Variants in ZBTB20 observed in about 807,000 individuals in gnomAD.
ZBTB20 encodes zinc finger and BTB domain containing 20, also known as zinc finger and BTB domain-containing protein 20.
Under a neutral mutation model 56.9 loss-of-function variants are expected in ZBTB20, and 9 were observed. The observed-to-expected ratio is 0.16, with a 90% CI of 0.10 to 0.28. ZBTB20 has a LOEUF of 0.28. Among genes scored for constraint, ZBTB20 ranks in the 10% least tolerant of loss-of-function variants. The pLI, the probability that ZBTB20 is intolerant of heterozygous loss-of-function variation, is 1.00. For synonymous variants in ZBTB20, 417 were observed against 420.7 expected, an observed-to-expected ratio of 0.99 and a Z score of 0.11; for missense variants, 655 against 1,003.0, an observed-to-expected ratio of 0.65 and a Z score of 4.69.
In ZBTB20 at chr3:114,909,149, C is replaced by T. The variant is rs191970881; in HGVS notation, c.-455-8807G>A. Among the ~76,000 whole-genome samples, 237 of 152,006 alleles carry T rather than the reference C, an allele frequency of 1.6e-3. 3 individuals are homozygous for T. The highest frequency in any genetic ancestry group is 0.013 in the Admixed American group (196 of 15,240). On this transcript the variant is annotated intron_variant, in intron 3 of 11. Coordinates refer to ENST00000675478, the MANE Select transcript of ZBTB20 (RefSeq NM_001348800.3). ...GATGACAGCTCCATGCATGTTATTA[C>T]GCCAGAAGACCTTCCAGTGGGACAA...
intron 7 of ZBTB20, among the ~76,000 whole-genome samples, chr3:114,403,223 T>C (rs1576607608): frequency 6.6e-6 from 1 of 152,176 alleles, no homozygotes; most frequent in Non-Finnish European, 1.5e-5. Context: ...TTGTCAGTGA[T>C]GGACTCTTTC....
chr3:114,813,416 C>T (rs536740995), intron 4 of ZBTB20, among the ~76,000 whole-genome samples: 74 of 152,274 alleles, frequency 4.9e-4, no homozygotes, highest in African/African-American at 1.7e-3. Flanking sequence ...AGGATATCAA[C>T]CCTGTCCCAA....
Position 114,318,228 on chromosome 3 carries a change from C to T in ZBTB20, c.*20777G>A, listed in dbSNP as rs918741249. 2.0e-5 allele frequency: 3 copies of T among 152,214 alleles called. No homozygotes were observed. The highest frequency in any genetic ancestry group is 1.3e-4 in the Admixed American group (2 of 15,280). 9.4% of individuals were successfully genotyped at this position (152,214 alleles called of 1,614,324 possible). On this transcript the variant is annotated 3_prime_UTR_variant, in exon 12 of 12. Coordinates refer to ENST00000675478, the MANE Select transcript of ZBTB20 (RefSeq NM_001348800.3). ...CAGATGGATGGATAATCCACAGAGT[C>T]AAAGAGGAGGTGGGCAAGATCCCTT... is the stretch of plus-strand genomic sequence containing the variant.
intron 2 of ZBTB20, among the ~76,000 whole-genome samples, chr3:115,021,337 C>T (rs1465147306): frequency 2.7e-5 from 4 of 150,728 alleles, no homozygotes; most frequent in African/African-American, 4.8e-5. Flanking sequence ...TTACTGAAAA[C>T]GCATTGTCTT....
chr3:115,006,460 G>GATATATATATATATAT (rs142153634), intron 2 of ZBTB20, among the ~76,000 whole-genome samples: 21 of 144,306 alleles, frequency 1.5e-4, no homozygotes, highest in African/African-American at 5.1e-4. Context: ...TATCCAGTTG[G>GATATATATATATATAT]ATATATATAT....
chr3:114,418,451 A>C (rs183829585), intron 7 of ZBTB20, among the ~76,000 whole-genome samples: 1 of 152,170 alleles, frequency 6.6e-6, no homozygotes. Flanking sequence ...ACTTAGTGAT[A>C]TCTTACACAC....
At chr3:114,532,183 G>A (rs2110037831) in intron 6 of ZBTB20, among the ~76,000 whole-genome samples, 1 of 152,278 alleles carries the variant, frequency 6.6e-6, no homozygotes, top group East Asian at 1.9e-4. Context: ...GGAGCCAAGT[G>A]GTCTAGCTCA....
intron 4 of ZBTB20, among the ~76,000 whole-genome samples, chr3:114,846,288 C>T (rs1323994930): frequency 6.6e-6 from 1 of 152,208 alleles, no homozygotes; most frequent in Non-Finnish European, 1.5e-5. Context: ...GCTTGCTCCT[C>T]AGGCCCTCAC....
intron 4 of ZBTB20, among the ~76,000 whole-genome samples, chr3:114,884,836 T>C (rs941758994): frequency 2.0e-5 from 3 of 152,284 alleles, no homozygotes; most frequent in Non-Finnish European, 4.4e-5. Context: ...ATACTACTAC[T>C]TGAAGAAGTG....
At chr3:114,427,721 C>T (rs2089799756) in intron 7 of ZBTB20, among the ~76,000 whole-genome samples, 1 of 152,190 alleles carries the variant, frequency 6.6e-6, no homozygotes, top group African/African-American at 2.4e-5. Flanking sequence ...CAGCACTCAC[C>T]AACATCTAAT....
chr3:114,921,077 T>C (rs77767062), intron 3 of ZBTB20, among the ~76,000 whole-genome samples: 14,243 of 152,242 alleles, frequency 0.094, 756 homozygotes, highest in Admixed American at 0.19. Context: ...GTAAGGAGAT[T>C]GAATCAGTAA....
intron 6 of ZBTB20, among the ~76,000 whole-genome samples, chr3:114,641,447 T>C (rs2059554116): frequency 6.6e-6 from 1 of 151,706 alleles, no homozygotes; most frequent in Admixed American, 6.6e-5. Context: ...ATATAGATAA[T>C]TTTTCTTATA....
chr3:114,896,053 T>C (rs1158728808), intron 4 of ZBTB20, among the ~76,000 whole-genome samples: 1 of 152,160 alleles, frequency 6.6e-6, no homozygotes, highest in Non-Finnish European at 1.5e-5. Context: ...CACAGGCGTG[T>C]TGAAAGCATT....
chr3:114,446,793 C>T (rs1435563228), intron 7 of ZBTB20, among the ~76,000 whole-genome samples: 1 of 152,100 alleles, frequency 6.6e-6, no homozygotes, highest in East Asian at 1.9e-4. Flanking sequence ...CTGTATCAAA[C>T]TCAGACACGT....
chr3:114,415,562 T>A (rs1321520619), intron 7 of ZBTB20, among the ~76,000 whole-genome samples: 6 of 152,114 alleles, frequency 3.9e-5, no homozygotes, highest in African/African-American at 1.4e-4. Context: ...AAGGTTAACA[T>A]TAGAGATTCA....
rs145005776 is a variant in ZBTB20, at chr3:115,098,546, G to A, written c.-702-27132C>T. Among the ~76,000 whole-genome samples, 507 of 152,190 alleles carry A rather than the reference G, an allele frequency of 3.3e-3. 6 individuals are homozygous for A. The highest frequency in any genetic ancestry group is 0.011 in the African/African-American group (475 of 41,536). On this transcript the variant is annotated intron_variant, in intron 1 of 11. Transcript: ENST00000675478. ...AATCTCCGACGGGACCTGATTGAGCGTACTTAGTATTTGTACTACTCTTGG... is the reference window on the plus strand; with the variant it reads ...AATCTCCGACGGGACCTGATTGAGCATACTTAGTATTTGTACTACTCTTGG...
At chr3:114,966,490 T>TTAA (rs1408556450) in intron 3 of ZBTB20, among the ~76,000 whole-genome samples, 1 of 152,154 alleles carries the variant, frequency 6.6e-6, no homozygotes, top group African/African-American at 2.4e-5. Flanking sequence ...CATCAATTTA[T>TTAA]TAATAATATC....
At chr3:114,519,541 G>T (rs1456719460) in intron 6 of ZBTB20, 2 of 152,138 alleles carry the variant, frequency 1.3e-5, no homozygotes, top group African/African-American at 4.8e-5. Flanking sequence ...TCTGATTCCA[G>T]TTTCAATGGG....
chr3:114,926,354 G>A lies in ZBTB20; in HGVS notation c.-455-26012C>T, dbSNP rs547272540. Among the ~76,000 whole-genome samples, 286 of 152,274 alleles carry A rather than the reference G, an allele frequency of 1.9e-3. 1 individual carries two copies. Among genetic ancestry groups the A allele is most frequent in the African/African-American group, 6.0e-3 (250 of 41,552 alleles). ...TCCAAAACCTTTACAGAGTTGTATT[G>A]TGTTTTGTTATGCTTTGCTTTTATT... On this transcript the variant is annotated intron_variant, in intron 3 of 11. Coordinates refer to ENST00000675478, the MANE Select transcript of ZBTB20 (RefSeq NM_001348800.3).
Sources: allele counts gnomAD v4.1 joint callset (sites outside exome capture counted in the v4.1 genomes callset), GRCh38; gene constraint gnomAD v4.1.1; transcripts MANE v1.5; gene names NCBI Gene and HGNC (gene_info 2026-07-23, HGNC 2026-07-21).